BRAT1: variants seen among roughly 807,000 people sequenced by gnomAD.
BRAT1 encodes the protein integrator complex assembly factor BRAT1.
Under a neutral mutation model 70.6 loss-of-function variants are expected in BRAT1, and 74 were observed. The observed-to-expected ratio is 1.05, with a 90% confidence interval of 0.87 to 1.27. The LOEUF (loss-of-function observed/expected upper bound fraction) is 1.27, where lower values mean the gene tolerates loss of function less well. Ranked by LOEUF, BRAT1 falls within the 50% of genes most tolerant of loss-of-function variation. The pLI is 0.00. For synonymous variants in BRAT1, 615 were observed against 517.1 expected (o/e 1.19, Z -2.57); for missense variants, 1,203 against 1,098.2 (o/e 1.10, Z -1.35).
Position 2,538,133 on chromosome 7 carries a change from G to C in BRAT1, c.2402C>G (p.Ser801Cys). The stretch of plus-strand genomic sequence containing the variant: ...CGTGGCCAGCATGTCCTGCAGGAGG[G>C]ACTGGGGACTCTTTTCCACGTGGTC... ...SSDHVEKSPQ[S>C]LLQDMLATGG... is the part of the protein sequence containing the mutation. The change falls in exon 14 of 14, where the codon TCC becomes TGC. Residue 801 changes from serine to cysteine, a missense_variant. By Grantham distance (112) the Ser-to-Cys change is moderately radical. Coordinates refer to ENST00000340611, the MANE Select transcript of BRAT1 (RefSeq NM_152743.4). 1 of 1,606,538 alleles carries C rather than the reference G, an allele frequency of 6.2e-7. No individual in the cohort carries two copies. Among genetic ancestry groups the C allele is most frequent in the African/African-American group, 1.3e-5 (1 of 74,926 alleles).
At chr7:2,539,741 C>T (rs368323897) in intron 11 of BRAT1, 45 bp downstream of exon 11, 5 of 1,568,484 alleles carry the variant, frequency 3.2e-6, no homozygotes, top group African/African-American at 1.4e-5. Flanking sequence ...CTGCCTCCAC[C>T]CCTGCGACTC....
At position 2,539,868 on chromosome 7, in the gene BRAT1, C is replaced by T; in HGVS notation, c.1416G>A (p.Gln472=). 6.3e-7 allele frequency: 1 copy of T among 1,581,802 alleles called. No homozygotes were observed. The highest frequency in any genetic ancestry group is 8.6e-7 in the Non-Finnish European group (1 of 1,166,696). Residue 472 remains glutamine, a synonymous_variant, in exon 11 of 14, where the codon CAG becomes CAA. Transcript: ENST00000340611. Reference sequence around the variant, plus strand: ...AGCTCAGGAGCCACCTGAGCGTGGCCTGGAAGGCCTTCTTCAGAACCTGGA... The same window carrying T: ...AGCTCAGGAGCCACCTGAGCGTGGCTTGGAAGGCCTTCTTCAGAACCTGGA... ...SSPTVLKKAF[Q]ATLRWLLSSP...
chr7:2,542,921 G>A (rs776428278), intron 6 of BRAT1: 32 of 230,184 alleles, frequency 1.4e-4, no homozygotes, highest in South Asian at 2.5e-4. Context: ...GCAGCGGAGC[G>A]CAGGGCGTCG....
At chr7:2,544,206 T>TTTTTC (rs1779422948) in intron 4 of BRAT1, 1 of 368,016 alleles carries the variant, frequency 2.7e-6, no homozygotes, top group Non-Finnish European at 4.8e-6. Context: ...TGTTGTTTTT[T>TTTTTC]TTTTTTTTTT....
chr7:2,553,362 A>T (rs1478822116), intron 2 of BRAT1, among the ~76,000 whole-genome samples: 1 of 152,176 alleles, frequency 6.6e-6, no homozygotes, highest in African/African-American at 2.4e-5. Flanking sequence ...GAAAAATGAG[A>T]AATATAAACA....
Position 2,544,937 on chromosome 7 carries a change from G to A in BRAT1, c.402C>T (p.Pro134=). ...IQGLRSLAQH[P]SALRFLADHG... ...GGTCGGCCAGGAAGCGCAGGGCGCT[G>A]GGGTGCTGTGCCAGGGAGCGCAGGC... Residue 134 remains proline, a synonymous_variant, in exon 4 of 14, where the codon CCC becomes CCT. Coordinates refer to ENST00000340611, the MANE Select transcript of BRAT1 (RefSeq NM_152743.4). 1 of 1,555,166 alleles carries A rather than the reference G, an allele frequency of 6.4e-7. No individual in the cohort carries two copies. The highest frequency in any genetic ancestry group is 1.2e-5 in the South Asian group (1 of 84,402).
Position 2,541,222 on chromosome 7 carries a change from C to T in BRAT1, c.1321+76G>A, listed in dbSNP as rs1322143026. On this transcript the variant is annotated intron_variant, in intron 9 of 13. Coordinates refer to ENST00000340611, the MANE Select transcript of BRAT1 (RefSeq NM_152743.4). Reference sequence around the variant, plus strand: ...AAGAAACAGAGAGGGACAGCAGTTCCCGGGTGCCTCCGAGCAGAAAGGAGA... The same window carrying T: ...AAGAAACAGAGAGGGACAGCAGTTCTCGGGTGCCTCCGAGCAGAAAGGAGA... The T allele has an allele frequency of 7.4e-6, 11 of 1,493,272 alleles. No individual in the cohort carries two copies. The African/African-American group carries it at 8.4e-5, about 11-fold the overall frequency. 92.5% of individuals were successfully genotyped at this position (1,493,272 alleles called of 1,614,324 possible). A position where few individuals can be genotyped will look rare whatever the true frequency, so the allele number is the denominator to read the frequency against.
At position 2,542,054 on chromosome 7, in the gene BRAT1, C is replaced by T. The variant is rs1453610958; in HGVS notation, c.1015+66G>A. 3 of 1,400,294 alleles carry T rather than the reference C, an allele frequency of 2.1e-6. No homozygotes were observed. The Admixed American group carries it at 7.8e-5, about 36-fold the overall frequency. 86.7% of individuals were successfully genotyped at this position (1,400,294 alleles called of 1,614,324 possible). ...GGGGTGGCGAGCCAGCTACTCTCAT[C>T]CATCTCCCTTCCCCCAGCCGCAGGG... On this transcript the variant is annotated intron_variant, in intron 7 of 13. Coordinates refer to ENST00000340611, the MANE Select transcript of BRAT1 (RefSeq NM_152743.4).
chr7:2,543,362 C>A lies in BRAT1; in HGVS notation c.804-39G>T, dbSNP rs764087625. 3.2e-6 allele frequency: 5 copies of A among 1,541,020 alleles called. No individual in the cohort carries two copies. Among genetic ancestry groups the A allele is most frequent in the East Asian group, 2.3e-5 (1 of 42,730 alleles). On this transcript the variant is annotated intron_variant, in intron 5 of 13. Coordinates refer to ENST00000340611, the MANE Select transcript of BRAT1 (RefSeq NM_152743.4). The surrounding 1 kb of genome is among the most constrained non-coding windows in gnomAD (Gnocchi z 5.5). Reference sequence around the variant, plus strand: ...CCAGAGAGAAAAATTACTCCCCCACCCTCAAAACCCCATTCGAGGCCTGGC... The same window carrying A: ...CCAGAGAGAAAAATTACTCCCCCACACTCAAAACCCCATTCGAGGCCTGGC...
chr7:2,539,670 G>C (rs940883846), intron 11 of BRAT1, 28 bp from the exon 12 acceptor site: 1 of 1,569,732 alleles, frequency 6.4e-7, no homozygotes, highest in Admixed American at 1.8e-5. Context: ...AGGTCAGGGT[G>C]ACCTTGGGGC....
rs751128590 is a variant in BRAT1, at chr7:2,541,716, A to G, written c.1134+2T>C. 6.2e-7 allele frequency: 1 copy of G among 1,606,074 alleles called. No homozygotes were observed. Among genetic ancestry groups the G allele is most frequent in the Admixed American group, 1.7e-5 (1 of 59,004 alleles). On this transcript the variant is annotated splice_donor_variant, in intron 8 of 13. Transcript: ENST00000340611. LOFTEE classifies it high-confidence loss of function. ...GCTGCATGAGGACCGGGCCGCACCT[A>G]CCAGCGGCTGCAGCTCCTCCAGGTG...
intron 2 of BRAT1, among the ~76,000 whole-genome samples, chr7:2,552,081 A>AATATACATATATATATATATATATAT (rs1780049106): frequency 4.3e-5 from 1 of 23,382 alleles, no homozygotes; most frequent in Non-Finnish European, 6.7e-5. Flanking sequence ...CATAGTCTTA[A>AATATACATATATATATATATATATAT]ATATATATAT....
intron 2 of BRAT1, among the ~76,000 whole-genome samples, chr7:2,551,919 T>G (rs1211728376): frequency 1.3e-5 from 2 of 149,460 alleles, no homozygotes; most frequent in Admixed American, 1.3e-4. Context: ...GAAAAATCCA[T>G]ATTTTGAAAC....
intron 8 of BRAT1, 22 bp from the exon 9 acceptor site, chr7:2,541,506 G>A: frequency 6.6e-7 from 1 of 1,518,126 alleles, no homozygotes; most frequent in East Asian, 2.5e-5. Context: ...AGGGCCGTCA[G>A]CCAAGGTTGC....
intron 2 of BRAT1, among the ~76,000 whole-genome samples, chr7:2,552,630 T>C (rs1780123026): frequency 6.6e-6 from 1 of 151,234 alleles, no homozygotes. Context: ...AAAAAGGAAG[T>C]AAAGAATAGC....
Position 2,538,026 on chromosome 7 carries a change from G to A in BRAT1, c.*43C>T. 1.3e-6 allele frequency: 2 copies of A among 1,505,758 alleles called. No individual in the cohort carries two copies. Among genetic ancestry groups the A allele is most frequent in the Non-Finnish European group, 1.8e-6 (2 of 1,126,932 alleles). 93.3% of individuals were successfully genotyped at this position (1,505,758 alleles called of 1,614,324 possible). On this transcript the variant is annotated 3_prime_UTR_variant, in exon 14 of 14. Coordinates refer to ENST00000340611, the MANE Select transcript of BRAT1 (RefSeq NM_152743.4). ...GTGTCCCACAGAAGGACATGGTGCT[G>A]CCTCCCTTGGTCCTGAGCCCCAGTG... is the stretch of plus-strand genomic sequence containing the variant.
At position 2,545,073 on chromosome 7, in the gene BRAT1, G is replaced by A. The variant is rs4383877; in HGVS notation, c.283-17C>T. ...CTCCCCCTGCTGGGAAGCAAAAAAA[G>A]AAGTGAGGGTGGCCAGGCGCAGTGG... On this transcript the variant is annotated splice_polypyrimidine_tract_variant and intron_variant, in intron 3 of 13. Transcript: ENST00000340611. The A allele has an allele frequency of 1.4e-6, 2 of 1,476,356 alleles. No homozygotes were observed. The highest frequency in any genetic ancestry group is 2.8e-5 in the South Asian group (2 of 71,410). 91.5% of individuals were successfully genotyped at this position (1,476,356 alleles called of 1,614,324 possible).
chr7:2,538,919 G>A (rs2128385331), intron 13 of BRAT1, 155 bp from the exon 14 acceptor site: 7 of 1,461,732 alleles, frequency 4.8e-6, no homozygotes, highest in South Asian at 2.8e-5. Context: ...GTGAGCACAC[G>A]GCCCTCCAAT....
At position 2,543,211 on chromosome 7, in the gene BRAT1, C is replaced by T. The variant is rs367771169; in HGVS notation, c.916G>A (p.Glu306Lys). ...GPLALGILKL[E>K]HCPQALRTQA... is the part of the protein sequence containing the mutation. The stretch of plus-strand genomic sequence containing the variant: ...ATGCACCCCAGACCATACCAGTGCT[C>T]GAGCTTCAGGATCCCCAAAGCCAGG... Residue 306 changes from glutamate to lysine, a missense_variant, in exon 6 of 14, where the codon GAG becomes AAG. Glu to Lys is a moderately conservative substitution (Grantham distance 56). Coordinates refer to ENST00000340611, the MANE Select transcript of BRAT1 (RefSeq NM_152743.4). This position sits in a 1 kb window ranked among gnomAD's most constrained non-coding sequence, Gnocchi z 5.5. 5.6e-6 allele frequency: 9 copies of T among 1,604,968 alleles called. No individual in the cohort carries two copies. Among genetic ancestry groups the T allele is most frequent in the East Asian group, 2.2e-5 (1 of 44,538 alleles).
Sources: allele counts gnomAD v4.1 joint callset (sites outside exome capture counted in the v4.1 genomes callset), GRCh38; gene constraint gnomAD v4.1.1; non-coding constraint Gnocchi (gnomAD v3.1); transcripts MANE v1.5; gene names NCBI Gene and HGNC (gene_info 2026-07-23, HGNC 2026-07-21).